The following LINC00305 variants were observed in gnomAD, a reference collection of about 807,000 sequenced individuals.
LINC00305 encodes the protein long independently transcribed non-coding RNA 305.
intron 1 of LINC00305, among the ~76,000 whole-genome samples, chr18:64,133,627 G>A (rs888867221): frequency 5.9e-5 from 9 of 152,114 alleles, no homozygotes; most frequent in African/African-American, 2.2e-4. Flanking sequence ...TGAGCATCTT[G>A]CCTTTACTTT....
At chr18:64,115,874 CAA>C (rs2051335334) in intron 1 of LINC00305, among the ~76,000 whole-genome samples, 1 of 152,026 alleles carries the variant, frequency 6.6e-6, no homozygotes, top group South Asian at 2.1e-4. Flanking sequence ...AAGAAATAAT[CAA>C]AAAAGATAGC....
intron 1 of LINC00305, among the ~76,000 whole-genome samples, chr18:64,100,126 A>T (rs2051262334): frequency 6.6e-6 from 1 of 152,140 alleles, no homozygotes; most frequent in Non-Finnish European, 1.5e-5. Context: ...AAGAAGTTTA[A>T]GTTTTCCATT....
chr18:64,118,492 A>G (rs2144256553), intron 1 of LINC00305, among the ~76,000 whole-genome samples: 1 of 152,218 alleles, frequency 6.6e-6, no homozygotes, highest in Non-Finnish European at 1.5e-5. Flanking sequence ...AAATCATTAT[A>G]ACTTTTTTGT....
intron 3 of LINC00305, among the ~76,000 whole-genome samples, chr18:64,089,125 G>A (rs570136337): frequency 5.9e-5 from 9 of 152,260 alleles, no homozygotes; most frequent in Non-Finnish European, 8.8e-5. Flanking sequence ...ATCTTGAATC[G>A]TAATCTGAAT....
intron 1 of LINC00305, among the ~76,000 whole-genome samples, chr18:64,137,437 A>G (rs141001826): frequency 6.6e-6 from 1 of 152,358 alleles, no homozygotes; most frequent in Non-Finnish European, 1.5e-5. Flanking sequence ...TATGAGCTAT[A>G]GTCTTTCTGT....
At chr18:64,110,995 C>T (rs1453327084) in intron 1 of LINC00305, among the ~76,000 whole-genome samples, 2 of 152,108 alleles carry the variant, frequency 1.3e-5, no homozygotes, top group Non-Finnish European at 2.9e-5. Flanking sequence ...TTCAGAATCT[C>T]TGTGTGGTGC....
intron 1 of LINC00305, among the ~76,000 whole-genome samples, chr18:64,130,934 T>C (rs557983113): frequency 1.6e-4 from 24 of 152,190 alleles, no homozygotes; most frequent in African/African-American, 5.8e-4. Context: ...TCCTATGAAA[T>C]GGGGCTTTAG....
At chr18:64,083,921 C>G (rs1376509528) in intron 3 of LINC00305, among the ~76,000 whole-genome samples, 1 of 152,166 alleles carries the variant, frequency 6.6e-6, no homozygotes, top group Non-Finnish European at 1.5e-5. Flanking sequence ...CTTAGACATG[C>G]ACTTTGTTCC....
At chr18:64,114,520 C>A (rs2051329277) in intron 1 of LINC00305, among the ~76,000 whole-genome samples, 1 of 152,098 alleles carries the variant, frequency 6.6e-6, no homozygotes, top group African/African-American at 2.4e-5. Context: ...GGTACTTATT[C>A]ATAAAAATAT....
intron 1 of LINC00305, among the ~76,000 whole-genome samples, chr18:64,123,013 A>C (rs577511175): frequency 2.9e-4 from 44 of 152,148 alleles, no homozygotes; most frequent in African/African-American, 9.9e-4. Context: ...TATAGAATTA[A>C]TACTGATTTT....
chr18:64,141,196 G>A (rs1219398254), intron 1 of LINC00305, among the ~76,000 whole-genome samples: 1 of 151,924 alleles, frequency 6.6e-6, no homozygotes, highest in African/African-American at 2.4e-5. Context: ...TAAAAACTGT[G>A]AGATAATAAG....
intron 1 of LINC00305, among the ~76,000 whole-genome samples, chr18:64,122,165 T>G (rs1264696514): frequency 6.6e-6 from 1 of 152,194 alleles, no homozygotes; most frequent in Non-Finnish European, 1.5e-5. Context: ...TTATTTCTTT[T>G]GTTGTGCAGA....
chr18:64,103,807 T>C (rs1024720729), intron 1 of LINC00305, among the ~76,000 whole-genome samples: 1 of 152,186 alleles, frequency 6.6e-6, no homozygotes, highest in Non-Finnish European at 1.5e-5. Flanking sequence ...ATAACTACTC[T>C]TTTGGTGTTG....
chr18:64,104,610 A>G (rs2051282032), intron 1 of LINC00305, among the ~76,000 whole-genome samples: 1 of 152,180 alleles, frequency 6.6e-6, no homozygotes, highest in Non-Finnish European at 1.5e-5. Context: ...TTTATTGTAC[A>G]GCAGATTTTG....
At chr18:64,142,023 C>T (rs1465978172) in intron 1 of LINC00305, among the ~76,000 whole-genome samples, 1 of 152,132 alleles carries the variant, frequency 6.6e-6, no homozygotes, top group African/African-American at 2.4e-5. Context: ...AAATTTTCTC[C>T]TATATTCATA....
intron 1 of LINC00305, among the ~76,000 whole-genome samples, chr18:64,140,161 C>T (rs183870984): frequency 3.1e-4 from 47 of 152,168 alleles, no homozygotes; most frequent in Non-Finnish European, 6.3e-4. Context: ...ACTATCCAAT[C>T]GGAATTACCT....
At chr18:64,136,805 C>T (rs1000239065) in intron 1 of LINC00305, among the ~76,000 whole-genome samples, 1 of 152,136 alleles carries the variant, frequency 6.6e-6, no homozygotes, top group Non-Finnish European at 1.5e-5. Flanking sequence ...CCTGTTGTGC[C>T]TTAGGAAGGG....
chr18:64,136,954 T>C (rs532848643), intron 1 of LINC00305, among the ~76,000 whole-genome samples: 41 of 152,290 alleles, frequency 2.7e-4, no homozygotes, highest in African/African-American at 9.1e-4. Context: ...TGCCATTGCA[T>C]TGGGTTGCAT....
intron 1 of LINC00305, among the ~76,000 whole-genome samples, chr18:64,130,234 C>T (rs2051403483): frequency 6.6e-6 from 1 of 152,074 alleles, no homozygotes; most frequent in South Asian, 2.1e-4. Context: ...AGATACTATG[C>T]TTTTATTTTT....
Sources: gnomAD v4.1 joint callset for allele counts (sites outside exome capture counted in the v4.1 genomes callset) on GRCh38, gnomAD v4.1.1 for gene constraint, MANE v1.5 for transcripts, NCBI Gene and HGNC (gene_info 2026-07-23, HGNC 2026-07-21) for gene names.